STRN3: variants seen among roughly 807,000 people sequenced by gnomAD.
The protein encoded by STRN3 is striatin-3.
A neutral mutation model predicts 95.6 loss-of-function variants in STRN3; 29 were observed. That is an observed-to-expected ratio of 0.30 (90% CI 0.23 to 0.41). The LOEUF (loss-of-function observed/expected upper bound fraction) is 0.41. STRN3 is among the 10% of genes least tolerant of loss of function. STRN3 has a pLI of 1.00. For synonymous variants in STRN3, 331 were observed against 357.6 expected (o/e 0.93, Z 0.84); for missense variants, 890 against 972.1 (o/e 0.92, Z 1.12).
chr14:30,951,873 T>C (rs953492941), intron 3 of STRN3, among the ~76,000 whole-genome samples: 5 of 152,064 alleles, frequency 3.3e-5, no homozygotes, highest in African/African-American at 1.2e-4. Context: ...ATCCCAGGAC[T>C]TTGGGAGGCT....
chr14:30,939,359 A>G (rs1033188773), intron 5 of STRN3, among the ~76,000 whole-genome samples: 1 of 152,220 alleles, frequency 6.6e-6, no homozygotes, highest in African/African-American at 2.4e-5. Flanking sequence ...AGGTAGGGTC[A>G]CAAACTTATA....
At chr14:30,910,206 G>T (rs1264587821) in intron 13 of STRN3, among the ~76,000 whole-genome samples, 1 of 152,150 alleles carries the variant, frequency 6.6e-6, no homozygotes, top group East Asian at 1.9e-4. Flanking sequence ...ATTTTAGAAA[G>T]ACCTTTCTTG....
Position 30,929,291 on chromosome 14 carries a change from T to G in STRN3, c.1009A>C (p.Thr337Pro), listed in dbSNP as rs751409969. The stretch of plus-strand genomic sequence containing the variant: ...TGGTCTACATCCCAAACCTCAGCAG[T>G]TGGGGAGAGGTCATCTTTATCTACA... ...TEWDKDDLSPTAEVWDVDQGL... is the reference protein window; with the variant it reads ...TEWDKDDLSPPAEVWDVDQGL... The change falls in exon 8 of 18, where the codon ACT becomes CCT. Residue 337 changes from threonine to proline, a missense_variant. Coordinates refer to ENST00000357479, the MANE Select transcript of STRN3 (RefSeq NM_001083893.2). 5.0e-6 allele frequency: 8 copies of G among 1,613,354 alleles called. No individual in the cohort carries two copies. In the East Asian group the frequency reaches 1.6e-4, roughly 31 times the overall value.
intron 1 of STRN3, among the ~76,000 whole-genome samples, chr14:31,019,770 G>A (rs1362448056): frequency 6.6e-6 from 1 of 151,524 alleles, no homozygotes; most frequent in Non-Finnish European, 1.5e-5. Context: ...TATGCAAAGG[G>A]GACTATACAA....
chr14:31,012,019 T>C (rs1199158302), intron 1 of STRN3, among the ~76,000 whole-genome samples: 1 of 152,130 alleles, frequency 6.6e-6, no homozygotes, highest in East Asian at 1.9e-4. Context: ...GAGCCGGAGG[T>C]TGCAGTGAGC....
In STRN3 at chr14:31,026,176, G is replaced by C. The variant is rs1319816204; in HGVS notation, c.10C>G (p.Leu4Val). The part of the protein sequence containing the change: MDE[L>V]AGGGGGGPGM... ...GGGCCGCCACCACCGCCTCCGGCAAGCTCGTCCATTGTGTGTGGGGCCCCG... is the reference window on the plus strand; with the variant it reads ...GGGCCGCCACCACCGCCTCCGGCAACCTCGTCCATTGTGTGTGGGGCCCCG... Residue 4 changes from leucine (L) to valine (V), a missense_variant, in exon 1 of 18, where the codon CTT (leucine) becomes GTT (valine). Leu to Val is a conservative substitution (Grantham distance 32, BLOSUM62 1). Transcript: ENST00000357479. The C allele has an allele frequency of 6.8e-7, 1 of 1,478,292 alleles. No individual in the cohort carries two copies. The highest frequency in any genetic ancestry group is 8.9e-7 in the Non-Finnish European group (1 of 1,122,586). 91.6% of individuals were successfully genotyped at this position (1,478,292 alleles called of 1,614,324 possible). A position where few individuals can be genotyped will look rare whatever the true frequency, so the allele number is the denominator to read the frequency against.
chr14:30,913,101 TAACTTTAAAATGTTCAGA>T (rs1172976917), intron 10 of STRN3, among the ~76,000 whole-genome samples: 2 of 152,196 alleles, frequency 1.3e-5, no homozygotes, highest in African/African-American at 4.8e-5. Context: ...TGATGCAAGC[TAACTTTAAAATGTTCAGA>T]AACTTTAAAA....
intron 1 of STRN3, among the ~76,000 whole-genome samples, chr14:30,968,621 G>A (rs1432882924): frequency 6.7e-6 from 1 of 150,206 alleles, no homozygotes; most frequent in East Asian, 2.0e-4. Flanking sequence ...CAGAGTTGCA[G>A]CGAGCCAAGA....
At chr14:30,929,954 C>CAAAAAAAAAAAAAAACAAA (rs1878404739) in intron 7 of STRN3, among the ~76,000 whole-genome samples, 1 of 39,996 alleles carries the variant, frequency 2.5e-5, no homozygotes, top group Non-Finnish European at 4.5e-5. Flanking sequence ...CTAAGATTAG[C>CAAAAAAAAAAAAAAACAAA]AAAAAAAAAA....
At chr14:30,933,381 TAAGTA>T (rs1237150252) in intron 7 of STRN3, among the ~76,000 whole-genome samples, 1 of 145,916 alleles carries the variant, frequency 6.9e-6, no homozygotes, top group Non-Finnish European at 1.5e-5. Flanking sequence ...GTTAACTAAA[TAAGTA>T]AATATATATA....
intron 1 of STRN3, among the ~76,000 whole-genome samples, chr14:30,970,898 C>T (rs749297961): frequency 2.6e-5 from 4 of 152,232 alleles, no homozygotes; most frequent in Non-Finnish European, 4.4e-5. Context: ...TAAGGTGGTC[C>T]TCCAGTCAAC....
At chr14:30,947,600 T>TACACAC (rs746949924) in intron 4 of STRN3, among the ~76,000 whole-genome samples, 1 of 151,580 alleles carries the variant, frequency 6.6e-6, no homozygotes, top group Non-Finnish European at 1.5e-5. Context: ...GTTTTTAATT[T>TACACAC]ACACACACAC....
intron 1 of STRN3, among the ~76,000 whole-genome samples, chr14:30,968,458 G>T (rs1321065276): frequency 6.6e-6 from 1 of 151,060 alleles, no homozygotes; most frequent in Non-Finnish European, 1.5e-5. Context: ...GAGGCGGGCG[G>T]ATCACGAGGT....
chr14:30,961,408 T>C (rs765936673), intron 1 of STRN3, among the ~76,000 whole-genome samples: 2 of 152,232 alleles, frequency 1.3e-5, no homozygotes, highest in Non-Finnish European at 2.9e-5. Context: ...AGGGGTCCCA[T>C]ATGATTATAA....
intron 1 of STRN3, among the ~76,000 whole-genome samples, chr14:30,971,776 A>G (rs1181089651): frequency 4.6e-5 from 7 of 152,174 alleles, no homozygotes; most frequent in African/African-American, 1.7e-4. Context: ...CTAAAAAAAA[A>G]GTAGTTCGGT....
chr14:30,922,418 CA>C (rs547316134), intron 8 of STRN3, among the ~76,000 whole-genome samples: 70 of 152,270 alleles, frequency 4.6e-4, no homozygotes, highest in African/African-American at 1.6e-3. Flanking sequence ...TAGACTGACA[CA>C]ATGAAAAACA....
intron 8 of STRN3, among the ~76,000 whole-genome samples, chr14:30,922,088 C>T (rs1390871392): frequency 2.0e-5 from 3 of 152,004 alleles, no homozygotes; most frequent in Non-Finnish European, 4.4e-5. Context: ...AGGGTCTCAC[C>T]ATGTTGTCCA....
At chr14:30,927,155 A>G (rs1254422979) in intron 8 of STRN3, among the ~76,000 whole-genome samples, 1 of 152,140 alleles carries the variant, frequency 6.6e-6, no homozygotes, top group Admixed American at 6.5e-5. Context: ...AATTTTTAAA[A>G]ATAAAATATT....
chr14:30,949,648 CACT>C (rs1309403539), intron 4 of STRN3, among the ~76,000 whole-genome samples: 1 of 151,338 alleles, frequency 6.6e-6, no homozygotes, highest in Admixed American at 6.6e-5. Flanking sequence ...TGTGCCACTG[CACT>C]CCGGCCTGGG....
Sources: allele counts gnomAD v4.1 joint callset (sites outside exome capture counted in the v4.1 genomes callset), GRCh38; gene constraint gnomAD v4.1.1; transcripts MANE v1.5; gene names NCBI Gene and HGNC (gene_info 2026-07-23, HGNC 2026-07-21).